Variants in UNC45B observed in about 807,000 individuals in gnomAD.
UNC45B encodes the protein unc-45 myosin chaperone B.
In UNC45B, 78 loss-of-function variants were observed where a neutral mutation model predicts 98.7. The observed-to-expected ratio is 0.79, with a 90% CI of 0.66 to 0.95. The LOEUF is 0.95. Ranked by LOEUF, UNC45B falls within the 40% of genes least tolerant of loss-of-function variation. The probability of loss-of-function intolerance (pLI) is 0.00; values close to 1 mark genes in which losing one functional copy is unlikely to be tolerated. For missense variants in UNC45B, 1,225 were observed against 1,184.9 expected (o/e 1.03, Z -0.50); for synonymous variants, 462 against 480.4 (o/e 0.96, Z 0.50).
intron 9 of UNC45B, chr17:35,164,594 C>A (rs2092125314): frequency 6.5e-6 from 1 of 153,884 alleles, no homozygotes; most frequent in Admixed American, 6.5e-5. Flanking sequence ...CCTCAGAAGA[C>A]ACATGTCATC....
chr17:35,185,218 G>A (rs894871747), intron 19 of UNC45B, among the ~76,000 whole-genome samples: 1 of 152,194 alleles, frequency 6.6e-6, no homozygotes, highest in African/African-American at 2.4e-5. Context: ...TGTGGAAAGT[G>A]AGCCCTGCTG....
At chr17:35,172,995 C>T (rs1050466928) in intron 13 of UNC45B, among the ~76,000 whole-genome samples, 2 of 152,172 alleles carry the variant, frequency 1.3e-5, no homozygotes, top group Non-Finnish European at 2.9e-5. Flanking sequence ...CAATCACACA[C>T]GACAGCAAGG....
chr17:35,184,408 A>T (rs2092291478), intron 19 of UNC45B, among the ~76,000 whole-genome samples: 1 of 152,144 alleles, frequency 6.6e-6, no homozygotes, highest in Non-Finnish European at 1.5e-5. Context: ...ACGTGTTCTG[A>T]TTTAGTAGAT....
rs2092307970 is a variant in UNC45B at position 35,186,995 on chromosome 17, C to T, written c.*436C>T. The stretch of plus-strand genomic sequence containing the variant: ...TGCTGATCTGTGCTGTTTTCATGAC[C>T]TCTCTCCCACACTATTTGAATCAGT... On this transcript the variant is annotated 3_prime_UTR_variant, in exon 20 of 20. Coordinates refer to ENST00000394570, the MANE Select transcript of UNC45B (RefSeq NM_001267052.2). 1 of 185,056 alleles carries T rather than the reference C, an allele frequency of 5.4e-6. No homozygotes were observed. Among genetic ancestry groups the T allele is most frequent in the African/African-American group, 2.4e-5 (1 of 42,104 alleles). 11.5% of individuals were successfully genotyped at this position (185,056 alleles called of 1,614,324 possible). A position where few individuals can be genotyped will look rare whatever the true frequency, so the allele number is the denominator to read the frequency against.
chr17:35,174,224 A>G lies in UNC45B; in HGVS notation c.1831-18A>G. 6.2e-7 allele frequency: 1 copy of G among 1,614,016 alleles called. No individual in the cohort carries two copies. The highest frequency in any genetic ancestry group is 8.5e-7 in the Non-Finnish European group (1 of 1,179,936). ...GCACCCAGGACCCTCCCACATTGCCATCTTTTCATCTCCTCAGGACAAGAA... is the reference window on the plus strand; with the variant it reads ...GCACCCAGGACCCTCCCACATTGCCGTCTTTTCATCTCCTCAGGACAAGAA... On this transcript the variant is annotated intron_variant, in intron 13 of 19. Coordinates refer to ENST00000394570, the MANE Select transcript of UNC45B (RefSeq NM_001267052.2).
Position 35,180,671 on chromosome 17 carries a change from A to G in UNC45B, c.2368A>G (p.Lys790Glu). 2 of 1,612,880 alleles carry G rather than the reference A, an allele frequency of 1.2e-6. No homozygotes were observed. Among genetic ancestry groups the G allele is most frequent in the South Asian group, 1.1e-5 (1 of 90,920 alleles). The change falls in exon 18 of 20, where the codon AAG becomes GAG. Residue 790 changes from lysine (K) to glutamate (E), a missense_variant. Physicochemically the swap from Lys to Glu is moderately conservative, Grantham distance 56. Transcript: ENST00000394570. ...GTGCATGTGCAACATGGTGCTCCAC[A>G]AGGAGGTGAGGCAGGGGCTCAGGAT... Reference protein sequence around the residue: ...TECMCNMVLHKEVQERFLADG... With the variant: ...TECMCNMVLHEEVQERFLADG...
At chr17:35,168,382 C>A (rs2092157398) in intron 10 of UNC45B, 21 bp downstream of exon 10, 1 of 1,326,440 alleles carries the variant, frequency 7.5e-7, no homozygotes, top group East Asian at 2.8e-5. Context: ...TCGGTACCAC[C>A]CTCCTACTCA....
In UNC45B at chr17:35,188,324, T is replaced by C. The variant is rs1192202623; in HGVS notation, c.*1765T>C. Reference sequence around the variant, plus strand: ...TTCCTGCTTTCCTCATATGTGGGCTTGAGTGGGTGTATTTAGCTCCTTTAA... The same window carrying C: ...TTCCTGCTTTCCTCATATGTGGGCTCGAGTGGGTGTATTTAGCTCCTTTAA... On this transcript the variant is annotated 3_prime_UTR_variant, in exon 20 of 20. Transcript: ENST00000394570. The C allele has an allele frequency of 6.6e-6, 1 of 152,190 alleles. No individual in the cohort carries two copies. The allele number at this position is 152,190 out of a possible 1,614,324, so 9.4% of individuals were successfully genotyped here.
At chr17:35,179,838 C>T (rs376627686) in intron 17 of UNC45B, among the ~76,000 whole-genome samples, 7 of 151,824 alleles carry the variant, frequency 4.6e-5, no homozygotes, top group South Asian at 4.2e-4. Flanking sequence ...CAACATGGCA[C>T]GCACATGTAT....
At chr17:35,158,494 G>A (rs1189238595) in intron 7 of UNC45B, among the ~76,000 whole-genome samples, 2 of 152,196 alleles carry the variant, frequency 1.3e-5, no homozygotes, top group African/African-American at 4.8e-5. Context: ...TTACCCAAGA[G>A]CATTTATAAT....
chr17:35,176,683 A>AAAAAC (rs1324524326), intron 15 of UNC45B, among the ~76,000 whole-genome samples: 1 of 152,222 alleles, frequency 6.6e-6, no homozygotes, highest in South Asian at 2.1e-4. Flanking sequence ...TCTGTCTCAA[A>AAAAAC]AAAACAAAAC....
Position 35,182,384 on chromosome 17 carries a change from C to T in UNC45B, c.2374-1043C>T, listed in dbSNP as rs112922586. Reference sequence around the variant, plus strand: ...GATTACAGGCGTGAGCCACCGCGCCCGGCCGGGTGGCTCACTTTCAAGCTG... The same window carrying T: ...GATTACAGGCGTGAGCCACCGCGCCTGGCCGGGTGGCTCACTTTCAAGCTG... On this transcript the variant is annotated intron_variant, in intron 18 of 19. Coordinates refer to ENST00000394570, the MANE Select transcript of UNC45B (RefSeq NM_001267052.2). Among the ~76,000 whole-genome samples the T allele has an allele frequency of 3.5e-4, 53 of 151,656 alleles. 1 individual carries two copies. Among genetic ancestry groups the T allele is most frequent in the African/African-American group, 1.2e-3 (50 of 41,336 alleles).
At chr17:35,169,613 G>T (rs1419169661) in intron 10 of UNC45B, among the ~76,000 whole-genome samples, 1 of 152,144 alleles carries the variant, frequency 6.6e-6, no homozygotes, top group Non-Finnish European at 1.5e-5. Flanking sequence ...GGCAGGTCAA[G>T]AATTTGCAAC....
Position 35,170,157 on chromosome 17 carries a change from G to A in UNC45B, c.1591G>A (p.Ala531Thr), listed in dbSNP as rs754896431. The A allele has an allele frequency of 2.5e-6, 4 of 1,613,700 alleles. No homozygotes were observed. In the South Asian group the frequency reaches 3.3e-5, roughly 13 times the overall value. Reference sequence around the variant, plus strand: ...CATAGACACTCGGACCCGACGCTGGGCAGTGGAGGGCCTGGCCTACCTCAC... The same window carrying A: ...CATAGACACTCGGACCCGACGCTGGACAGTGGAGGGCCTGGCCTACCTCAC... Reference protein sequence around the residue: ...MSIDTRTRRWAVEGLAYLTLD... With the variant: ...MSIDTRTRRWTVEGLAYLTLD... The change falls in exon 12 of 20, where the codon GCA becomes ACA. Residue 531 changes from alanine to threonine, a missense_variant. Coordinates refer to ENST00000394570, the MANE Select transcript of UNC45B (RefSeq NM_001267052.2).
chr17:35,186,384 A>C lies in UNC45B; in HGVS notation c.2615A>C (p.Asn872Thr), dbSNP rs766179135. The C allele has an allele frequency of 6.2e-7, 1 of 1,614,132 alleles. No individual in the cohort carries two copies. Among genetic ancestry groups the C allele is most frequent in the East Asian group, 2.2e-5 (1 of 44,878 alleles). ...VQHRGLVIAY[N>T]LLAADAELAK... The stretch of plus-strand genomic sequence containing the variant: ...CACCGGGGCCTGGTCATTGCCTACA[A>C]CCTACTGGCAGCCGATGCTGAGCTG... The change falls in exon 20 of 20, where the codon AAC (asparagine) becomes ACC (threonine). Residue 872 changes from asparagine to threonine, a missense_variant. Physicochemically the swap from Asn to Thr is moderately conservative, Grantham distance 65 (BLOSUM62 0). Transcript: ENST00000394570.
At position 35,150,015 on chromosome 17, in the gene UNC45B, C is replaced by T. The variant is rs764245150; in HGVS notation, c.206-33C>T. The stretch of plus-strand genomic sequence containing the variant: ...GGCTGGTGGTCTGTAGTCTGGCTCC[C>T]TAAGGTCCTCATCCCCCGTCTCCCC... On this transcript the variant is annotated intron_variant, in intron 3 of 19. Coordinates refer to ENST00000394570, the MANE Select transcript of UNC45B (RefSeq NM_001267052.2). 5.8e-6 allele frequency: 9 copies of T among 1,556,730 alleles called. No individual in the cohort carries two copies. In the South Asian group the frequency reaches 8.6e-5, roughly 15 times the overall value.
At position 35,164,070 on chromosome 17, in the gene UNC45B, G is replaced by A. The variant is rs776382433; in HGVS notation, c.1055G>A (p.Arg352His). ...PSCLPLTDNT[R>H]MLASILINKL... The stretch of plus-strand genomic sequence containing the variant: ...TGCCTGCCCCTGACTGACAACACCC[G>A]CATGCTGGCCTCTATCCTCATCAAC... Residue 352 changes from arginine (R) to histidine (H), a missense_variant, in exon 9 of 20, where the codon CGC (arginine) becomes CAC (histidine). Transcript: ENST00000394570. 2.1e-5 allele frequency: 34 copies of A among 1,613,900 alleles called. No individual in the cohort carries two copies. The highest frequency in any genetic ancestry group is 5.0e-5 in the Admixed American group (3 of 59,986).
intron 8 of UNC45B, 80 bp downstream of exon 8, chr17:35,159,625 GAGGCTCTTGA>G: frequency 6.6e-7 from 1 of 1,505,586 alleles, no homozygotes; most frequent in Non-Finnish European, 9.0e-7. Flanking sequence ...TGGAAGATGT[GAGGCTCTTGA>G]AGGGGTCTTC....
rs2092319867 is a variant in UNC45B, at chr17:35,189,292, T to C, written c.*2733T>C. The C allele has an allele frequency of 6.6e-6, 1 of 152,218 alleles. No individual in the cohort carries two copies. The highest frequency in any genetic ancestry group is 2.4e-5 in the African/African-American group (1 of 41,450). 9.4% of individuals were successfully genotyped at this position (152,218 alleles called of 1,614,324 possible). A position where few individuals can be genotyped will look rare whatever the true frequency, so the allele number is the denominator to read the frequency against. The stretch of plus-strand genomic sequence containing the variant: ...GTAAAAATTTAACCCCTTTGACTCT[T>C]AGTCTTCTCATTTGTGAAAGGTAAA... On this transcript the variant is annotated 3_prime_UTR_variant, in exon 20 of 20. Coordinates refer to ENST00000394570, the MANE Select transcript of UNC45B (RefSeq NM_001267052.2).
Sources: gnomAD v4.1 joint callset for allele counts (sites outside exome capture counted in the v4.1 genomes callset) on GRCh38, gnomAD v4.1.1 for gene constraint, MANE v1.5 for transcripts, NCBI Gene and HGNC (gene_info 2026-07-23, HGNC 2026-07-21) for gene names.